The following SLC7A14 variants were observed in gnomAD, a reference collection of about 807,000 sequenced individuals.
SLC7A14 encodes the protein gamma-aminobutyric acid transporter SLC7A14.
Under a neutral mutation model 60.2 loss-of-function variants are expected in SLC7A14, and 37 were observed. The ratio of observed to expected loss-of-function variants is 0.61; its 90% CI spans 0.47 to 0.81. The LOEUF is 0.81. Ranked by LOEUF, SLC7A14 falls within the 30% of genes least tolerant of loss-of-function variation. The probability of loss-of-function intolerance (pLI) is 0.00; values close to 1 mark genes in which losing one functional copy is unlikely to be tolerated. For synonymous variants in SLC7A14, 399 were observed against 395.8 expected, an observed-to-expected ratio of 1.01 and a Z score of -0.10; for missense variants, 886 against 982.7, an observed-to-expected ratio of 0.90 and a Z score of 1.32.
intron 2 of SLC7A14, among the ~76,000 whole-genome samples, chr3:170,509,804 C>T (rs932132303): frequency 1.3e-5 from 2 of 148,336 alleles, no homozygotes; most frequent in Non-Finnish European, 3.0e-5. Context: ...ATTAGCCGGG[C>T]GTGGTGGTGC....
chr3:170,508,665 T>A lies in SLC7A14; in HGVS notation c.305-7320A>T, dbSNP rs906130146. 2.6e-5 allele frequency among the ~76,000 whole-genome samples: 4 copies of A among 152,314 alleles called. No individual in the cohort carries two copies. The East Asian group carries it at 7.7e-4, about 29-fold the overall frequency. ...AAGAAAGTCCTCACCAAATACAGCA[T>A]TTTGCTGAGTTGTTACTTATTTTCT... On this transcript the variant is annotated intron_variant, in intron 2 of 7. Coordinates refer to ENST00000231706, the MANE Select transcript of SLC7A14 (RefSeq NM_020949.3).
intron 1 of SLC7A14, among the ~76,000 whole-genome samples, chr3:170,550,512 A>T (rs1219964776): frequency 2.8e-4 from 17 of 60,620 alleles, no homozygotes; most frequent in East Asian, 6.9e-4. Context: ...CTTTCCTTGA[A>T]TTTTTTTTTT....
chr3:170,525,811 T>G (rs1047049650), intron 2 of SLC7A14, among the ~76,000 whole-genome samples: 1 of 152,144 alleles, frequency 6.6e-6, no homozygotes, highest in Non-Finnish European at 1.5e-5. Flanking sequence ...TCTCAGCACT[T>G]GCCGCGGCCG....
intron 1 of SLC7A14, among the ~76,000 whole-genome samples, chr3:170,538,189 A>C (rs1314622592): frequency 6.6e-6 from 1 of 152,222 alleles, no homozygotes; most frequent in Admixed American, 6.5e-5. Flanking sequence ...TGCTAAATAG[A>C]GTTGTCCATC....
chr3:170,517,170 T>C (rs1310503734), intron 2 of SLC7A14, among the ~76,000 whole-genome samples: 1 of 152,196 alleles, frequency 6.6e-6, no homozygotes, highest in Non-Finnish European at 1.5e-5. Context: ...ATAGTAATAA[T>C]AATATGAACT....
intron 2 of SLC7A14, among the ~76,000 whole-genome samples, chr3:170,525,387 C>G (rs1713461435): frequency 6.6e-6 from 1 of 152,180 alleles, no homozygotes; most frequent in Non-Finnish European, 1.5e-5. Context: ...TTTTATGATT[C>G]TTTCTCAAGG....
rs980478837 is a variant in SLC7A14 at position 170,464,315 on chromosome 3, T to C, written c.*2740A>G. ...TATTCAGAATTCAATAAAATGTAGG[T>C]CTTCCTTGGACTCCCTTCAAGGGGC... is the stretch of plus-strand genomic sequence containing the variant. On this transcript the variant is annotated 3_prime_UTR_variant, in exon 8 of 8. Coordinates refer to ENST00000231706, the MANE Select transcript of SLC7A14 (RefSeq NM_020949.3). 2.0e-4 allele frequency: 30 copies of C among 152,222 alleles called. No homozygotes were observed. The highest frequency in any genetic ancestry group is 6.5e-4 in the African/African-American group (27 of 41,462). The allele number at this position is 152,222 out of a possible 1,614,324, so 9.4% of individuals were successfully genotyped here.
chr3:170,496,317 C>A, intron 4 of SLC7A14: 1 of 1,040,386 alleles, frequency 9.6e-7, no homozygotes, highest in Non-Finnish European at 1.5e-6. Context: ...GGCTGGCAAG[C>A]ACGGGGATGA....
rs11336080 is a variant in SLC7A14 at position 170,499,236 on chromosome 3, C to CAAAAAAAAAAAAAA, written c.542-366_542-353dup. Among the ~76,000 whole-genome samples, 32 of 59,914 alleles carry CAAAAAAAAAAAAAA rather than the reference C, an allele frequency of 5.3e-4. 1 individual carries two copies. Among genetic ancestry groups the CAAAAAAAAAAAAAA allele is most frequent in the African/African-American group, 3.0e-3 (29 of 9,662 alleles). 39.3% of individuals were successfully genotyped at this position (59,914 alleles called of 152,430 possible). A position where few individuals can be genotyped will look rare whatever the true frequency, so the allele number is the denominator to read the frequency against. On this transcript the variant is annotated intron_variant, in intron 3 of 7. Transcript: ENST00000231706. ...TGGGGGACAGAGTGAGACTCTGTCT[C>CAAAAAAAAAAAAAA]AAAAAAAAAAAAAAAAAAAAAAAAA... is the stretch of plus-strand genomic sequence containing the variant.
intron 1 of SLC7A14, chr3:170,570,392 T>C (rs372542698): frequency 6.6e-6 from 1 of 151,842 alleles, no homozygotes; most frequent in Non-Finnish European, 1.5e-5. Context: ...AAGGTTGCAG[T>C]AAGCCATAAT....
intron 2 of SLC7A14, among the ~76,000 whole-genome samples, chr3:170,523,034 A>G (rs1713382605): frequency 6.6e-6 from 1 of 152,172 alleles, no homozygotes; most frequent in Non-Finnish European, 1.5e-5. Context: ...TAAGGGCCAC[A>G]CTCTCTGGAA....
At position 170,494,468 on chromosome 3, in the gene SLC7A14, C is replaced by T. The variant is rs113672509; in HGVS notation, c.759+4199G>A. On this transcript the variant is annotated intron_variant, in intron 4 of 7. Transcript: ENST00000231706. ...CTGATTGAGGAAGGATGTGGAGCCC[C>T]TGAGAAGGAAAGGGAGACCCCCAAA... Among the ~76,000 whole-genome samples the T allele has an allele frequency of 4.5e-3, 687 of 152,274 alleles. 3 individuals carry two copies. Among genetic ancestry groups the T allele is most frequent in the Non-Finnish European group, 5.4e-3 (369 of 68,032 alleles).
chr3:170,559,337 G>A (rs1714574176), intron 1 of SLC7A14, among the ~76,000 whole-genome samples: 1 of 151,990 alleles, frequency 6.6e-6, no homozygotes. Context: ...AGAGCTAATC[G>A]ATTTCAGAAA....
At chr3:170,502,769 T>A (rs1436496844) in intron 2 of SLC7A14, 1 of 152,190 alleles carries the variant, frequency 6.6e-6, no homozygotes, top group Admixed American at 6.5e-5. Context: ...AATGGCACAA[T>A]AAATGATTCC....
Position 170,532,109 on chromosome 3 carries a change from C to G in SLC7A14, c.-152-5021G>C, listed in dbSNP as rs1713696087. Among the ~76,000 whole-genome samples, 1 of 152,198 alleles carries G rather than the reference C, an allele frequency of 6.6e-6. No homozygotes were observed. The highest frequency in any genetic ancestry group is 2.4e-5 in the African/African-American group (1 of 41,456). On this transcript the variant is annotated intron_variant, in intron 1 of 7. Transcript: ENST00000231706. This position sits in a 1 kb window ranked among gnomAD's most constrained non-coding sequence, Gnocchi z 4.0. ...GACTACAAAAATCCCTCATGACACA[C>G]TCGATGAGTAGTTGTCCAGCTTTTT...
rs1462664581 is a variant in SLC7A14 at position 170,501,090 on chromosome 3, G to C, written c.541+19C>G. 1 of 1,611,850 alleles carries C rather than the reference G, an allele frequency of 6.2e-7. No homozygotes were observed. Among genetic ancestry groups the C allele is most frequent in the Non-Finnish European group, 8.5e-7 (1 of 1,177,964 alleles). On this transcript the variant is annotated intron_variant, in intron 3 of 7. Coordinates refer to ENST00000231706, the MANE Select transcript of SLC7A14 (RefSeq NM_020949.3). ...TGGTAAGTTTGCATGTTGAGGGTAG[G>C]AGGATGTGGCAGTCTCACCCAGGCC...
At position 170,512,526 on chromosome 3, in the gene SLC7A14, C is replaced by T. The variant is rs1010793287; in HGVS notation, c.305-11181G>A. The stretch of plus-strand genomic sequence containing the variant: ...GGTTACAGTGCCTACTTCTGGTTCT[C>T]CCCTATCCTGTGATACAAACTTCTA... On this transcript the variant is annotated intron_variant, in intron 2 of 7. Transcript: ENST00000231706. 2.6e-5 allele frequency among the ~76,000 whole-genome samples: 4 copies of T among 152,100 alleles called. No homozygotes were observed. In the East Asian group the frequency reaches 5.8e-4, roughly 22 times the overall value.
chr3:170,487,195 C>T (rs140908278), intron 4 of SLC7A14, among the ~76,000 whole-genome samples: 70 of 142,500 alleles, frequency 4.9e-4, no homozygotes, highest in Middle Eastern at 6.8e-3. Context: ...CAGGAGTCCA[C>T]ATGGCTCCAG....
At chr3:170,539,172 C>CCTT (rs3077203) in intron 1 of SLC7A14, among the ~76,000 whole-genome samples, 121,668 of 151,938 alleles carry the variant, frequency 0.8, 49,298 homozygotes, top group African/African-American at 0.95. Context: ...CTACCACCCT[C>CCTT]CTTGGTTCAG....
Sources: gnomAD v4.1 joint callset for allele counts (sites outside exome capture counted in the v4.1 genomes callset) on GRCh38, gnomAD v4.1.1 for gene constraint, Gnocchi (gnomAD v3.1) non-coding constraint, MANE v1.5 for transcripts, NCBI Gene and HGNC (gene_info 2026-07-23, HGNC 2026-07-21) for gene names.